APC: variants seen among roughly 807,000 people sequenced by gnomAD.
The protein encoded by APC is APC regulator of Wnt signaling pathway.
In APC, 72 loss-of-function variants were observed where a neutral mutation model predicts 247.0. The observed-to-expected ratio is 0.29, with a 90% confidence interval of 0.24 to 0.35. The LOEUF (loss-of-function observed/expected upper bound fraction) is 0.35. Among genes scored for constraint, APC ranks in the 10% least tolerant of loss-of-function variants. APC has a pLI of 1.00. For missense variants in APC, 3,400 were observed against 3,360.7 expected (o/e 1.01, Z -0.29); for synonymous variants, 1,254 against 1,162.5 (o/e 1.08, Z -1.60).
At chr5:112,776,581 TA>T (rs1757672721) in intron 5 of APC, among the ~76,000 whole-genome samples, 1 of 152,214 alleles carries the variant, frequency 6.6e-6, no homozygotes. Flanking sequence ...CTTATGCCTG[TA>T]ACCCCAGCAC....
At position 112,821,915 on chromosome 5, in the gene APC, T is replaced by G. The variant is rs773087899; in HGVS notation, c.1332T>G (p.His444Gln). The G allele has an allele frequency of 2.5e-6, 4 of 1,613,120 alleles. No individual in the cohort carries two copies. The highest frequency in any genetic ancestry group is 3.4e-6 in the Non-Finnish European group (4 of 1,179,396). ...TTTCAGTGCCAGCTCCTGTTGAACA[T>G]CAGATCTGTCCTGCTGTGTGTGTTC... Reference protein sequence around the residue: ...DKNPMPAPVEHQICPAVCVLM... With the variant: ...DKNPMPAPVEQQICPAVCVLM... Residue 444 changes from histidine to glutamine, a missense_variant, in exon 11 of 16, where the codon CAT (histidine) becomes CAG (glutamine). This residue lies in a region of APC where 199 missense variants were observed against 212.5 expected (regional missense o/e 0.94). Transcript: ENST00000257430.
chr5:112,727,183 AT>A (rs34473200), intron 1 of APC, among the ~76,000 whole-genome samples: 245 of 146,392 alleles, frequency 1.7e-3, no homozygotes, highest in South Asian at 2.4e-3. Context: ...TGCTAGATAG[AT>A]TTTTTTTTTT....
intron 1 of APC, among the ~76,000 whole-genome samples, chr5:112,722,502 A>G (rs997598886): frequency 2.0e-5 from 3 of 152,120 alleles, no homozygotes; most frequent in African/African-American, 4.8e-5. Context: ...CACACTGTCT[A>G]TCCAGAAATA....
At chr5:112,753,997 A>G (rs576533467) in intron 1 of APC, among the ~76,000 whole-genome samples, 1 of 152,130 alleles carries the variant, frequency 6.6e-6, no homozygotes, top group Non-Finnish European at 1.5e-5. Context: ...AGCATTCTAT[A>G]ATTCTTCCTA....
intron 9 of APC, 75 bp from the exon 10 acceptor site, chr5:112,818,891 A>G: frequency 2.1e-6 from 3 of 1,454,568 alleles, no homozygotes; most frequent in East Asian, 2.4e-5. Flanking sequence ...TAAATATCCC[A>G]TTCATCACTT....
chr5:112,742,976 A>G (rs1388099129), intron 1 of APC, among the ~76,000 whole-genome samples: 1 of 152,226 alleles, frequency 6.6e-6, no homozygotes, highest in Non-Finnish European at 1.5e-5. Context: ...GTTTAAGAGA[A>G]CACAAATGTA....
Position 112,840,099 on chromosome 5 carries a change from G to T in APC, c.4505G>T (p.Cys1502Phe), listed in dbSNP as rs878853446. 3 of 1,614,068 alleles carry T rather than the reference G, an allele frequency of 1.9e-6. No homozygotes were observed. The highest frequency in any genetic ancestry group is 2.5e-6 in the Non-Finnish European group (3 of 1,180,000). ...ATESTPDGFSCSSSLSALSLD... is the reference protein window; with the variant it reads ...ATESTPDGFSFSSSLSALSLD... ...GAAAGTACTCCAGATGGATTTTCTT[G>T]TTCATCCAGCCTGAGTGCTCTGAGC... Residue 1502 changes from cysteine (C) to phenylalanine (F), a missense_variant, in exon 16 of 16, where the codon TGT (cysteine) becomes TTT (phenylalanine). By Grantham distance (205) the Cys-to-Phe change is radical. Around this residue, in one of 9 missense-constraint regions of APC, gnomAD observed 1,788 missense variants for 1,649.5 expected, o/e 1.08. Coordinates refer to ENST00000257430, the MANE Select transcript of APC (RefSeq NM_000038.6). This position sits in a 1 kb window ranked among gnomAD's most constrained non-coding sequence, Gnocchi z 4.1.
chr5:112,728,772 AGT>A (rs1751940437), intron 1 of APC, among the ~76,000 whole-genome samples: 1 of 152,084 alleles, frequency 6.6e-6, no homozygotes, highest in African/African-American at 2.4e-5. Context: ...GCTATAAATT[AGT>A]AACAGTGTGC....
intron 12 of APC, 75 bp downstream of exon 12, chr5:112,827,322 C>G (rs2149811168): frequency 6.5e-7 from 1 of 1,547,158 alleles, no homozygotes; most frequent in Non-Finnish European, 8.9e-7. Context: ...ATACATTTTA[C>G]TGATTTTCTT....
At chr5:112,808,355 C>A (rs1429445893) in intron 8 of APC, among the ~76,000 whole-genome samples, 8 of 152,154 alleles carry the variant, frequency 5.3e-5, no homozygotes, top group Non-Finnish European at 1.0e-4. Context: ...TCTCTGATAT[C>A]TGTTCTAATC....
rs2149914995 is a variant in APC at position 112,840,042 on chromosome 5, C to G, written c.4448C>G (p.Pro1483Arg). 2 of 1,614,054 alleles carry G rather than the reference C, an allele frequency of 1.2e-6. No homozygotes were observed. Among genetic ancestry groups the G allele is most frequent in the South Asian group, 1.1e-5 (1 of 91,076 alleles). The change falls in exon 16 of 16, where the codon CCA (proline) becomes CGA (arginine). Residue 1483 changes from proline to arginine, a missense_variant. This residue lies in a region of APC where 1,788 missense variants were observed against 1,649.5 expected (regional missense o/e 1.08). Transcript: ENST00000257430. The surrounding 1 kb of genome is among the most constrained non-coding windows in gnomAD (Gnocchi z 4.1). ...NAAVQRVQVLPDADTLLHFAT... is the reference protein window; with the variant it reads ...NAAVQRVQVLRDADTLLHFAT... ...GCAGTTCAGAGGGTCCAGGTTCTTCCAGATGCTGATACTTTATTACATTTT... is the reference window on the plus strand; with the variant it reads ...GCAGTTCAGAGGGTCCAGGTTCTTCGAGATGCTGATACTTTATTACATTTT...
chr5:112,774,393 A>G (rs2149811626), intron 4 of APC, among the ~76,000 whole-genome samples: 1 of 152,246 alleles, frequency 6.6e-6, no homozygotes, highest in South Asian at 2.1e-4. Context: ...CAAAATCCAA[A>G]AACACTTCTA....
chr5:112,773,839 G>C (rs910007730), intron 4 of APC, among the ~76,000 whole-genome samples: 1 of 151,874 alleles, frequency 6.6e-6, no homozygotes, highest in Non-Finnish European at 1.5e-5. Context: ...AAATACAAAT[G>C]GTTTATAAAC....
rs773178712 is a variant in APC, at chr5:112,840,861, C to T, written c.5267C>T (p.Ser1756Phe). Residue 1756 changes from serine to phenylalanine, a missense_variant, in exon 16 of 16, where the codon TCT becomes TTT. This residue lies in a region of APC where 1,788 missense variants were observed against 1,649.5 expected (regional missense o/e 1.08). Coordinates refer to ENST00000257430, the MANE Select transcript of APC (RefSeq NM_000038.6). This position sits in a 1 kb window ranked among gnomAD's most constrained non-coding sequence, Gnocchi z 4.1. ...IMDQVQQASA[S>F]SSAPNKNQLD... ...GACCAGGTCCAGCAAGCATCTGCGTCTTCTTCTGCACCCAACAAAAATCAG... is the reference window on the plus strand; with the variant it reads ...GACCAGGTCCAGCAAGCATCTGCGTTTTCTTCTGCACCCAACAAAAATCAG... The T allele has an allele frequency of 3.7e-6, 6 of 1,614,052 alleles. No individual in the cohort carries two copies. The East Asian group carries it at 6.7e-5, about 18-fold the overall frequency.
chr5:112,708,727 AG>A (rs1357568868), intron 1 of APC, among the ~76,000 whole-genome samples: 1 of 152,224 alleles, frequency 6.6e-6, no homozygotes, highest in Non-Finnish European at 1.5e-5. Context: ...ACTAAAATGG[AG>A]AAAAGCTTTT....
intron 11 of APC, among the ~76,000 whole-genome samples, chr5:112,823,821 C>G (rs552463242): frequency 7.9e-5 from 12 of 152,196 alleles, no homozygotes; most frequent in Non-Finnish European, 1.8e-4. Context: ...ATACCTAAAT[C>G]ATAATGATCA....
At chr5:112,717,128 A>G (rs993808417) in intron 1 of APC, among the ~76,000 whole-genome samples, 1 of 152,114 alleles carries the variant, frequency 6.6e-6, no homozygotes. Flanking sequence ...CTCGTGCCTC[A>G]GCCTCCTGAG....
chr5:112,801,521 C>T (rs1007639366), intron 8 of APC, 138 bp downstream of exon 8: 2 of 609,926 alleles, frequency 3.3e-6, no homozygotes, highest in African/African-American at 1.9e-5. Context: ...GCATTCAGTA[C>T]CAATGTGCTG....
rs777546674 is a variant in APC at position 112,815,475 on chromosome 5, A to C, written c.835-20A>C. On this transcript the variant is annotated intron_variant, in intron 8 of 15. Coordinates refer to ENST00000257430, the MANE Select transcript of APC (RefSeq NM_000038.6). Reference sequence around the variant, plus strand: ...ACCTATAGTCTAAATTATACCATCTATAATGTGCTTAATTTTTAGGGTTCA... The same window carrying C: ...ACCTATAGTCTAAATTATACCATCTCTAATGTGCTTAATTTTTAGGGTTCA... 1 of 1,584,154 alleles carries C rather than the reference A, an allele frequency of 6.3e-7. No individual in the cohort carries two copies. The highest frequency in any genetic ancestry group is 8.7e-7 in the Non-Finnish European group (1 of 1,154,670).
Sources: gnomAD v4.1 joint callset for allele counts (sites outside exome capture counted in the v4.1 genomes callset) on GRCh38, gnomAD v4.1.1 for gene constraint, gnomAD v4.1.1 regional missense constraint, Gnocchi (gnomAD v3.1) non-coding constraint, MANE v1.5 for transcripts, NCBI Gene and HGNC (gene_info 2026-07-23, HGNC 2026-07-21) for gene names.